Variants in UTRN observed in about 807,000 individuals in gnomAD.
UTRN encodes utrophin.
Under a neutral mutation model 463.9 loss-of-function variants are expected in UTRN, and 283 were observed. The ratio of observed to expected loss-of-function variants is 0.61; its 90% CI spans 0.55 to 0.67. UTRN has a LOEUF of 0.67. Among genes scored for constraint, UTRN ranks in the 30% least tolerant of loss-of-function variants. The probability of loss-of-function intolerance (pLI) is 0.00; values close to 1 mark genes in which losing one functional copy is unlikely to be tolerated. For synonymous variants in UTRN, 1,442 were observed against 1,431.5 expected, an observed-to-expected ratio of 1.01 and a Z score of -0.17; for missense variants, 3,922 against 4,084.3, an observed-to-expected ratio of 0.96 and a Z score of 1.08.
intron 2 of UTRN, among the ~76,000 whole-genome samples, chr6:144,388,190 T>TA (rs1303944503): frequency 6.6e-6 from 1 of 152,240 alleles, no homozygotes; most frequent in Admixed American, 6.5e-5. Flanking sequence ...TACGTACACT[T>TA]ACGTATAAGT....
At chr6:144,374,317 G>C (rs746513043) in intron 2 of UTRN, among the ~76,000 whole-genome samples, 2 of 152,032 alleles carry the variant, frequency 1.3e-5, no homozygotes, top group Non-Finnish European at 2.9e-5. Context: ...AAATGAATCA[G>C]TAGAGACAAA....
intron 9 of UTRN, among the ~76,000 whole-genome samples, chr6:144,434,293 G>T (rs1015531900): frequency 6.9e-6 from 1 of 144,852 alleles, no homozygotes; most frequent in Non-Finnish European, 1.5e-5. Flanking sequence ...GATGGCAGCA[G>T]TACAGTCCAG....
At chr6:144,633,290 C>T (rs1303870037) in intron 51 of UTRN, among the ~76,000 whole-genome samples, 3 of 145,528 alleles carry the variant, frequency 2.1e-5, no homozygotes, top group Non-Finnish European at 3.0e-5. Context: ...AGTGCAATGG[C>T]GCGATCTCGG....
At chr6:144,467,099 C>T (rs1008319478) in intron 23 of UTRN, among the ~76,000 whole-genome samples, 2 of 152,226 alleles carry the variant, frequency 1.3e-5, no homozygotes, top group Admixed American at 6.5e-5. Flanking sequence ...CCCTTTCTTG[C>T]CCTGAAGCCC....
rs1482676424 is a variant in UTRN, at chr6:144,605,676, C to T, written c.7479+28388C>T. 2.5e-5 allele frequency among the ~76,000 whole-genome samples: 3 copies of T among 118,718 alleles called. No homozygotes were observed. In the Admixed American group the frequency reaches 2.6e-4, roughly 10 times the overall value. The allele number at this position is 118,718 out of a possible 152,430, so 77.9% of individuals were successfully genotyped here. A position where few individuals can be genotyped will look rare whatever the true frequency, so the allele number is the denominator to read the frequency against. On this transcript the variant is annotated intron_variant, in intron 51 of 74. Coordinates refer to ENST00000367545, the MANE Select transcript of UTRN (RefSeq NM_007124.3). ...AATCTGTTAACTTCAGTGTGGGTGC[C>T]ATTTTTTTTTTTTTTTGGTATTTCA...
chr6:144,698,713 C>A (rs1784266713), intron 52 of UTRN, among the ~76,000 whole-genome samples: 1 of 152,314 alleles, frequency 6.6e-6, no homozygotes, highest in South Asian at 2.1e-4. Flanking sequence ...TTCACCAGGG[C>A]CCTAACAAGA....
chr6:144,442,634 G>C (rs371944600), intron 13 of UTRN, among the ~76,000 whole-genome samples: 21 of 152,216 alleles, frequency 1.4e-4, no homozygotes, highest in African/African-American at 5.1e-4. Flanking sequence ...GCTTGTGCAG[G>C]GAAACTCCCT....
intron 61 of UTRN, among the ~76,000 whole-genome samples, chr6:144,782,994 G>A (rs1370809421): frequency 5.3e-5 from 8 of 151,988 alleles, no homozygotes; most frequent in Non-Finnish European, 8.8e-5. Flanking sequence ...TTAGGAGTTC[G>A]AGACCAGCCT....
intron 5 of UTRN, 100 bp downstream of exon 5, chr6:144,423,726 G>C: frequency 7.2e-7 from 1 of 1,385,360 alleles, no homozygotes; most frequent in Non-Finnish European, 1.0e-6. Flanking sequence ...ACTGATTCTT[G>C]CAAACATTTT....
chr6:144,563,663 C>G (rs1042966190), intron 50 of UTRN, among the ~76,000 whole-genome samples: 1 of 152,112 alleles, frequency 6.6e-6, no homozygotes, highest in African/African-American at 2.4e-5. Flanking sequence ...TATTTTTCAA[C>G]TTGTTTTGTT....
intron 51 of UTRN, among the ~76,000 whole-genome samples, chr6:144,603,104 C>G (rs1455943536): frequency 2.0e-5 from 3 of 152,054 alleles, no homozygotes. Context: ...TTGTTTGATT[C>G]TCCCTAATAG....
chr6:144,749,427 A>G (rs1475433490), intron 55 of UTRN, among the ~76,000 whole-genome samples: 1 of 152,178 alleles, frequency 6.6e-6, no homozygotes, highest in Non-Finnish European at 1.5e-5. Flanking sequence ...AGGGCTTAGG[A>G]GTCACACCTG....
At chr6:144,315,826 T>C (rs1484071295) in intron 2 of UTRN, among the ~76,000 whole-genome samples, 1 of 152,206 alleles carries the variant, frequency 6.6e-6, no homozygotes, top group Non-Finnish European at 1.5e-5. Context: ...TGTGTTTGAA[T>C]CCTTGGCATG....
chr6:144,487,786 A>G, intron 29 of UTRN, 89 bp downstream of exon 29: 10 of 1,303,300 alleles, frequency 7.7e-6, no homozygotes, highest in Non-Finnish European at 1.0e-5. Context: ...TTAATGTTGG[A>G]AAAATCTTTA....
At chr6:144,696,192 G>A (rs1534440) in intron 52 of UTRN, among the ~76,000 whole-genome samples, 97,189 of 151,926 alleles carry the variant, frequency 0.64, 34,350 homozygotes, top group East Asian at 0.95. Context: ...ACCATATTGT[G>A]AAACTACTAA....
chr6:144,666,374 A>G (rs922950211), intron 51 of UTRN, among the ~76,000 whole-genome samples: 1 of 152,228 alleles, frequency 6.6e-6, no homozygotes. Context: ...ATTGCACAAA[A>G]TGATTACTAC....
At chr6:144,678,072 T>G (rs775296322) in intron 51 of UTRN, among the ~76,000 whole-genome samples, 2 of 152,118 alleles carry the variant, frequency 1.3e-5, no homozygotes, top group African/African-American at 4.8e-5. Flanking sequence ...GATGGTAGTT[T>G]CTTTTGCTGC....
intron 50 of UTRN, among the ~76,000 whole-genome samples, chr6:144,576,286 G>A (rs114904578): frequency 1.4e-4 from 21 of 151,998 alleles, no homozygotes; most frequent in Admixed American, 8.5e-4. Context: ...TGAAATTATC[G>A]ATACTAATTT....
rs560581181 is a variant in UTRN at position 144,347,837 on chromosome 6, G to GTTTTTTTTTTTTT, written c.80-55274_80-55273insTTTTTTTTTTTTT. 3.9e-3 allele frequency among the ~76,000 whole-genome samples: 500 copies of GTTTTTTTTTTTTT among 128,824 alleles called. 54 individuals are homozygous for GTTTTTTTTTTTTT. The highest frequency in any genetic ancestry group is 0.016 in the African/African-American group (456 of 29,396). The allele number at this position is 128,824 out of a possible 152,430, so 84.5% of individuals were successfully genotyped here. A position where few individuals can be genotyped will look rare whatever the true frequency, so the allele number is the denominator to read the frequency against. The stretch of plus-strand genomic sequence containing the variant: ...TCTCCTGAACTGTGGCTTATTCTTT[G>GTTTTTTTTTTTTT]TTTTTTTTTTTTGTTTTTTTTTTTG... On this transcript the variant is annotated intron_variant, in intron 2 of 74. Coordinates refer to ENST00000367545, the MANE Select transcript of UTRN (RefSeq NM_007124.3).
Sources: allele counts gnomAD v4.1 joint callset (sites outside exome capture counted in the v4.1 genomes callset), GRCh38; gene constraint gnomAD v4.1.1; transcripts MANE v1.5; gene names NCBI Gene and HGNC (gene_info 2026-07-23, HGNC 2026-07-21).